Variants in RAPGEF1 observed in about 807,000 individuals in gnomAD.
RAPGEF1 encodes CRK SH3-binding GNRP.
A neutral mutation model predicts 143.3 loss-of-function variants in RAPGEF1; 33 were observed. The ratio of observed to expected loss-of-function variants is 0.23; its 90% CI spans 0.17 to 0.31. The LOEUF is 0.31. RAPGEF1 is among the 10% of genes least tolerant of loss of function. RAPGEF1 has a pLI of 1.00. For synonymous variants in RAPGEF1, 629 were observed against 676.5 expected, an observed-to-expected ratio of 0.93 and a Z score of 1.09; for missense variants, 1,199 against 1,645.4, an observed-to-expected ratio of 0.73 and a Z score of 4.69.
At chr9:131,673,562 C>A (rs1831749698) in intron 1 of RAPGEF1, among the ~76,000 whole-genome samples, 1 of 152,178 alleles carries the variant, frequency 6.6e-6, no homozygotes, top group Admixed American at 6.5e-5. Context: ...CAATTGGAAC[C>A]AACTGTAAAT....
In RAPGEF1 at chr9:131,630,151, C is replaced by A. The variant is rs1964438726; in HGVS notation, c.740+85G>T. On this transcript the variant is annotated intron_variant, in intron 6 of 26. Transcript: ENST00000683357. ...CTCCAGCAGCCCACCCTCATGCTGC[C>A]CACCCCACCGGGCCCTATCCTTGTC... The A allele has an allele frequency of 1.7e-5, 22 of 1,290,316 alleles. 1 individual carries two copies. The highest frequency in any genetic ancestry group is 2.4e-5 in the Non-Finnish European group (22 of 900,316). 79.9% of individuals were successfully genotyped at this position (1,290,316 alleles called of 1,614,324 possible).
In RAPGEF1 at chr9:131,608,881, CAG is replaced by C. The variant is rs765991561; in HGVS notation, c.2062-3695_2062-3694del. Among the ~76,000 whole-genome samples, 187 of 152,292 alleles carry C rather than the reference CAG, an allele frequency of 1.2e-3. 1 individual carries two copies. Among genetic ancestry groups the C allele is most frequent in the Non-Finnish European group, 3.4e-4 (23 of 68,022 alleles). Reference sequence around the variant, plus strand: ...TTATGATCACGCTTACCCACAGGGGCAGAGAGAAAGGCAGGGCGGGCCATTCC... The same window carrying C: ...TTATGATCACGCTTACCCACAGGGGCAGAGAAAGGCAGGGCGGGCCATTCC... On this transcript the variant is annotated intron_variant, in intron 12 of 26. Coordinates refer to ENST00000683357, the MANE Select transcript of RAPGEF1 (RefSeq NM_001377935.1).
intron 6 of RAPGEF1, among the ~76,000 whole-genome samples, chr9:131,629,591 G>C (rs888318674): frequency 6.6e-6 from 1 of 152,112 alleles, no homozygotes; most frequent in Non-Finnish European, 1.5e-5. Context: ...AGGAGTTTGA[G>C]ACCAGCTTGG....
At chr9:131,623,960 C>G (rs556526607) in intron 10 of RAPGEF1, among the ~76,000 whole-genome samples, 2 of 152,216 alleles carry the variant, frequency 1.3e-5, no homozygotes, top group African/African-American at 4.8e-5. Context: ...GGGGAGTGAA[C>G]AGCAGACTGG....
rs1348639279 is a variant in RAPGEF1 at position 131,584,407 on chromosome 9, C to T, written c.3318G>A (p.Leu1106=). 6.2e-7 allele frequency: 1 copy of T among 1,613,896 alleles called. No individual in the cohort carries two copies. The highest frequency in any genetic ancestry group is 8.5e-7 in the Non-Finnish European group (1 of 1,179,842). ...LLKFIKIMKH[L]RKLNNFNSYL... ...AGGAGTTGAAGTTATTCAGCTTCCG[C>T]AAGTGCTGCCGAGAGAGGGGCGGTG... The change falls in exon 24 of 27, where the codon TTG becomes TTA. Residue 1106 remains leucine, a synonymous_variant. Transcript: ENST00000683357. This position sits in a 1 kb window ranked among gnomAD's most constrained non-coding sequence, Gnocchi z 6.8.
chr9:131,620,758 G>A (rs1461244930), intron 11 of RAPGEF1, among the ~76,000 whole-genome samples: 1 of 152,194 alleles, frequency 6.6e-6, no homozygotes, highest in Non-Finnish European at 1.5e-5. Flanking sequence ...GGAACTCCTG[G>A]GACTGGGCTG....
chr9:131,639,467 T>TGTGTGTGTGTGTGTGA (rs1233904740), intron 4 of RAPGEF1, among the ~76,000 whole-genome samples: 64 of 143,324 alleles, frequency 4.5e-4, no homozygotes, highest in African/African-American at 1.5e-3. Flanking sequence ...TGTGTGTGTG[T>TGTGTGTGTGTGTGTGA]GAGAGAGAGA....
chr9:131,690,886 T>C (rs1370979532), intron 1 of RAPGEF1, among the ~76,000 whole-genome samples: 2 of 152,268 alleles, frequency 1.3e-5, no homozygotes, highest in Non-Finnish European at 2.9e-5. Context: ...AGTCTTGTTA[T>C]CTACAGTTAA....
In RAPGEF1 at chr9:131,628,076, G is replaced by A. The variant is rs368133085; in HGVS notation, c.1038C>T (p.Tyr346=). The A allele has an allele frequency of 1.9e-5, 30 of 1,552,442 alleles. No individual in the cohort carries two copies. The highest frequency in any genetic ancestry group is 8.2e-5 in the African/African-American group (6 of 72,962). Residue 346 remains tyrosine, a synonymous_variant, in exon 9 of 27, where the codon TAC becomes TAT. Transcript: ENST00000683357. This position sits in a 1 kb window ranked among gnomAD's most constrained non-coding sequence, Gnocchi z 5.7. ...TGCCTCCTGACAGTCGCCTCTGTGC[G>A]TAACAGTCAACATCAAAATCCTCAA... ...INRQDFDVDC[Y]AQRRLSGGSH...
rs371159330 is a variant in RAPGEF1, at chr9:131,601,121, G to A, written c.2501+940C>T. 3.2e-4 allele frequency among the ~76,000 whole-genome samples: 45 copies of A among 142,296 alleles called. No homozygotes were observed. The East Asian group carries it at 8.0e-3, about 25-fold the overall frequency. 93.4% of individuals were successfully genotyped at this position (142,296 alleles called of 152,430 possible). A position where few individuals can be genotyped will look rare whatever the true frequency, so the allele number is the denominator to read the frequency against. On this transcript the variant is annotated intron_variant, in intron 15 of 26. Coordinates refer to ENST00000683357, the MANE Select transcript of RAPGEF1 (RefSeq NM_001377935.1). ...CGGGAGGCGGAAGTTGCAGTGAGCC[G>A]AGATCGCGCCACTGCACTCTAGCCT...
At chr9:131,722,333 C>T (rs906493580) in intron 1 of RAPGEF1, among the ~76,000 whole-genome samples, 1 of 152,216 alleles carries the variant, frequency 6.6e-6, no homozygotes, top group Admixed American at 6.5e-5. Flanking sequence ...TCCCCCAAGC[C>T]AGTGATACCT....
intron 12 of RAPGEF1, among the ~76,000 whole-genome samples, chr9:131,607,049 A>G (rs1957234825): frequency 6.6e-6 from 1 of 152,186 alleles, no homozygotes; most frequent in Admixed American, 6.5e-5. Context: ...TGCACTGACC[A>G]GAGTTTCAAG....
intron 1 of RAPGEF1, among the ~76,000 whole-genome samples, chr9:131,685,917 G>A (rs1356708534): frequency 6.6e-6 from 1 of 152,126 alleles, no homozygotes; most frequent in Non-Finnish European, 1.5e-5. Context: ...ACACATTTTA[G>A]GCAAATCACT....
intron 22 of RAPGEF1, 138 bp downstream of exon 22, chr9:131,587,598 G>T: frequency 1.2e-6 from 1 of 803,870 alleles, no homozygotes; most frequent in Non-Finnish European, 2.0e-6. Context: ...AGTGCTCATG[G>T]GAACCCCCAG....
Position 131,596,284 on chromosome 9 carries a change from C to T in RAPGEF1, c.2689+14G>A. ...AGGACCAGCCCCAATCTAGTGAGCT[C>T]ACTGACACCCTACCTTTCCTGTCAG... On this transcript the variant is annotated intron_variant, in intron 17 of 26. Transcript: ENST00000683357. The T allele has an allele frequency of 2.5e-6, 4 of 1,613,384 alleles. No individual in the cohort carries two copies. The highest frequency in any genetic ancestry group is 3.4e-6 in the Non-Finnish European group (4 of 1,179,404).
chr9:131,733,707 G>A (rs879812974), intron 1 of RAPGEF1, among the ~76,000 whole-genome samples: 1 of 152,212 alleles, frequency 6.6e-6, no homozygotes, highest in Non-Finnish European at 1.5e-5. Flanking sequence ...GCGGTGGGTT[G>A]TCAGGCCTCT....
chr9:131,660,097 C>A lies in RAPGEF1; in HGVS notation c.62-9148G>T, dbSNP rs576209954. Among the ~76,000 whole-genome samples, 30 of 152,342 alleles carry A rather than the reference C, an allele frequency of 2.0e-4. No homozygotes were observed. In the South Asian group the frequency reaches 5.4e-3, roughly 27 times the overall value. On this transcript the variant is annotated intron_variant, in intron 1 of 26. Transcript: ENST00000683357. ...CCTCGCAAAGTGCTGGGATTACAGG[C>A]ATGAGGCACTGCACCCGGCCTGGAG... is the stretch of plus-strand genomic sequence containing the variant.
At chr9:131,701,273 T>C (rs1040954363) in intron 1 of RAPGEF1, among the ~76,000 whole-genome samples, 6 of 152,192 alleles carry the variant, frequency 3.9e-5, no homozygotes, top group Middle Eastern at 3.2e-3. Context: ...ATAGATATTG[T>C]TCTAAATTTG....
chr9:131,737,049 C>A (rs1046730945), intron 1 of RAPGEF1, among the ~76,000 whole-genome samples: 1 of 152,160 alleles, frequency 6.6e-6, no homozygotes, highest in Non-Finnish European at 1.5e-5. Context: ...TCACTCCAGG[C>A]GCGCCCCAGT....
Sources: allele counts gnomAD v4.1 joint callset (sites outside exome capture counted in the v4.1 genomes callset), GRCh38; gene constraint gnomAD v4.1.1; non-coding constraint Gnocchi (gnomAD v3.1); transcripts MANE v1.5; gene names NCBI Gene and HGNC (gene_info 2026-07-23, HGNC 2026-07-21).